The following CADPS2 variants were observed in gnomAD, a reference collection of about 807,000 sequenced individuals.
CADPS2 encodes the protein calcium dependent secretion activator 2.
A neutral mutation model predicts 172.5 loss-of-function variants in CADPS2; 93 were observed. The ratio of observed to expected loss-of-function variants is 0.54; its 90% CI spans 0.46 to 0.64. The LOEUF (loss-of-function observed/expected upper bound fraction) is 0.64, where lower values mean the gene tolerates loss of function less well. Ranked by LOEUF, CADPS2 falls within the 30% of genes least tolerant of loss-of-function variation. CADPS2 has a pLI of 0.00. For synonymous variants in CADPS2, 546 were observed against 555.2 expected (o/e 0.98, Z 0.23); for missense variants, 1,420 against 1,565.9 (o/e 0.91, Z 1.57).
chr7:122,568,084 GA>G (rs1283515557), intron 7 of CADPS2, among the ~76,000 whole-genome samples: 1 of 152,024 alleles, frequency 6.6e-6, no homozygotes, highest in Non-Finnish European at 1.5e-5. Flanking sequence ...GGGAAAAATA[GA>G]ACATGCTAAT....
At chr7:122,716,369 C>T (rs1245383739) in intron 2 of CADPS2, among the ~76,000 whole-genome samples, 2 of 152,060 alleles carry the variant, frequency 1.3e-5, no homozygotes, top group African/African-American at 4.8e-5. Flanking sequence ...CCCCCTTCTG[C>T]TACCATCACT....
At chr7:122,644,069 CGAAAGAAAAGAAAGGAAG>C (rs2078013905) in intron 3 of CADPS2, among the ~76,000 whole-genome samples, 2 of 150,354 alleles carry the variant, frequency 1.3e-5, no homozygotes, top group South Asian at 2.1e-4. Context: ...GACTCTGTCT[CGAAAGAAAAGAAAGGAAG>C]GAAGGAATGA....
intron 8 of CADPS2, among the ~76,000 whole-genome samples, chr7:122,533,843 T>C (rs2061992283): frequency 6.6e-6 from 1 of 152,150 alleles, no homozygotes; most frequent in South Asian, 2.1e-4. Flanking sequence ...AATCAGTGTA[T>C]CCATATGCAT....
intron 10 of CADPS2, among the ~76,000 whole-genome samples, chr7:122,490,968 T>A (rs2058230039): frequency 6.6e-6 from 1 of 152,158 alleles, no homozygotes; most frequent in African/African-American, 2.4e-5. Context: ...AGTTATAATA[T>A]AATAATTCAT....
chr7:122,518,834 C>A (rs2060572042), intron 8 of CADPS2, among the ~76,000 whole-genome samples: 1 of 152,000 alleles, frequency 6.6e-6, no homozygotes, highest in African/African-American at 2.4e-5. Flanking sequence ...ATGAGAGAAG[C>A]ATTTTCTAAT....
chr7:122,396,896 C>T (rs2045214298), intron 20 of CADPS2, among the ~76,000 whole-genome samples: 1 of 152,160 alleles, frequency 6.6e-6, no homozygotes, highest in Non-Finnish European at 1.5e-5. Context: ...AAGTCCCTGG[C>T]TCAGAGCAAG....
intron 21 of CADPS2, 48 bp from the exon 22 acceptor site, chr7:122,393,363 T>C: frequency 6.2e-7 from 1 of 1,613,536 alleles, no homozygotes; most frequent in Non-Finnish European, 8.5e-7. Flanking sequence ...AAGCGATAAC[T>C]ACAGATGGCC....
chr7:122,825,216 G>A (rs1218158761), intron 1 of CADPS2, among the ~76,000 whole-genome samples: 1 of 152,168 alleles, frequency 6.6e-6, no homozygotes, highest in Non-Finnish European at 1.5e-5. Context: ...TATGTTTACT[G>A]TTGATTCAGA....
At chr7:122,602,298 G>T (rs1403378580) in intron 6 of CADPS2, among the ~76,000 whole-genome samples, 1 of 151,930 alleles carries the variant, frequency 6.6e-6, no homozygotes, top group Non-Finnish European at 1.5e-5. Flanking sequence ...CACTTGCAAA[G>T]AATGTCAATC....
intron 17 of CADPS2, among the ~76,000 whole-genome samples, chr7:122,436,651 T>C (rs1034887745): frequency 1.3e-5 from 2 of 152,008 alleles, no homozygotes; most frequent in Admixed American, 6.6e-5. Flanking sequence ...CCACAGTGGG[T>C]TGCTAGGATC....
chr7:122,832,555 A>G (rs1373996807), intron 1 of CADPS2, among the ~76,000 whole-genome samples: 1 of 152,220 alleles, frequency 6.6e-6, no homozygotes, highest in Non-Finnish European at 1.5e-5. Flanking sequence ...GTAGAATACA[A>G]CTAGACCTCC....
intron 1 of CADPS2, among the ~76,000 whole-genome samples, chr7:122,848,660 A>C (rs990455254): frequency 2.6e-5 from 4 of 152,206 alleles, no homozygotes; most frequent in Non-Finnish European, 5.9e-5. Flanking sequence ...ACTGTGTTTC[A>C]TTCTCTCATT....
intron 14 of CADPS2, among the ~76,000 whole-genome samples, chr7:122,460,859 G>C (rs1170262204): frequency 6.6e-6 from 1 of 152,164 alleles, no homozygotes; most frequent in East Asian, 1.9e-4. Context: ...ATCAATAAGT[G>C]AGTGAAACAG....
intron 1 of CADPS2, among the ~76,000 whole-genome samples, chr7:122,750,330 T>G (rs1478953139): frequency 6.6e-6 from 1 of 152,160 alleles, no homozygotes; most frequent in Non-Finnish European, 1.5e-5. Flanking sequence ...ATATGTCCTA[T>G]GCAGTATTTG....
intron 3 of CADPS2, among the ~76,000 whole-genome samples, chr7:122,648,272 T>C (rs1302171536): frequency 6.6e-6 from 1 of 152,136 alleles, no homozygotes; most frequent in Non-Finnish European, 1.5e-5. Context: ...CCTTGAGCTC[T>C]AGACCCTCCC....
At chr7:122,410,545 A>C (rs963223544) in intron 19 of CADPS2, among the ~76,000 whole-genome samples, 3 of 151,304 alleles carry the variant, frequency 2.0e-5, no homozygotes, top group Non-Finnish European at 4.4e-5. Flanking sequence ...CTTAGTGATG[A>C]TACTTGAGTG....
intron 8 of CADPS2, among the ~76,000 whole-genome samples, chr7:122,522,424 T>TA (rs1003972089): frequency 1.3e-4 from 20 of 151,500 alleles, no homozygotes; most frequent in African/African-American, 3.2e-4. Flanking sequence ...CCCTTTTTAT[T>TA]AAAAAAAAAT....
intron 2 of CADPS2, among the ~76,000 whole-genome samples, chr7:122,664,439 T>C (rs1422115904): frequency 6.6e-6 from 1 of 151,530 alleles, no homozygotes; most frequent in Non-Finnish European, 1.5e-5. Flanking sequence ...AAAACAACAA[T>C]AGAGACAACC....
At chr7:122,593,047 T>C (rs2071148048) in intron 6 of CADPS2, among the ~76,000 whole-genome samples, 1 of 151,860 alleles carries the variant, frequency 6.6e-6, no homozygotes, top group African/African-American at 2.4e-5. Flanking sequence ...TTGAGATATC[T>C]AAATTGAATT....
Sources: gnomAD v4.1 joint callset for allele counts (sites outside exome capture counted in the v4.1 genomes callset) on GRCh38, gnomAD v4.1.1 for gene constraint, MANE v1.5 for transcripts, NCBI Gene and HGNC (gene_info 2026-07-23, HGNC 2026-07-21) for gene names.